GPALPP1: variants seen among roughly 807,000 people sequenced by gnomAD.
GPALPP1 encodes GPALPP motifs containing 1, also known as GPALPP motifs-containing protein 1.
GPALPP1 carries 30 observed loss-of-function variants against 38.9 expected under a neutral mutation model. The ratio of observed to expected loss-of-function variants is 0.77; its 90% CI spans 0.58 to 1.05. The LOEUF is 1.05. GPALPP1 is among the 50% of genes least tolerant of loss of function. GPALPP1 has a pLI of 0.00. For missense variants in GPALPP1, 384 were observed against 408.8 expected, an observed-to-expected ratio of 0.94 and a Z score of 0.52; for synonymous variants, 120 against 139.2, an observed-to-expected ratio of 0.86 and a Z score of 0.97.
chr13:45,010,819 A>G (rs1248156274), intron 4 of GPALPP1, among the ~76,000 whole-genome samples: 1 of 152,100 alleles, frequency 6.6e-6, no homozygotes, highest in Non-Finnish European at 1.5e-5. Flanking sequence ...CCGCATCTCT[A>G]CCAAAAATAC....
At chr13:44,994,567 G>A (rs1873108378) in intron 1 of GPALPP1, among the ~76,000 whole-genome samples, 1 of 152,158 alleles carries the variant, frequency 6.6e-6, no homozygotes, top group Non-Finnish European at 1.5e-5. Flanking sequence ...CATACATGTT[G>A]TTCCCTCAGT....
intron 7 of GPALPP1, 128 bp downstream of exon 7, chr13:45,020,556 C>G: frequency 1.8e-6 from 1 of 543,398 alleles, no homozygotes; most frequent in Non-Finnish European, 3.3e-6. Context: ...GGCAACATAG[C>G]AAGACCTTGT....
intron 1 of GPALPP1, among the ~76,000 whole-genome samples, chr13:44,998,859 T>C (rs965875351): frequency 6.6e-6 from 1 of 152,174 alleles, no homozygotes; most frequent in Non-Finnish European, 1.5e-5. Flanking sequence ...CAACCAACTC[T>C]AGATTGAAAG....
chr13:45,012,846 C>T (rs894251841), intron 4 of GPALPP1, among the ~76,000 whole-genome samples: 1 of 152,008 alleles, frequency 6.6e-6, no homozygotes, highest in Non-Finnish European at 1.5e-5. Context: ...CGGCATATAC[C>T]CCCAAATTAA....
intron 4 of GPALPP1, among the ~76,000 whole-genome samples, chr13:45,012,488 A>G (rs750950907): frequency 1.5e-4 from 23 of 152,328 alleles, no homozygotes; most frequent in Middle Eastern, 3.4e-3. Flanking sequence ...GCACTTTTAT[A>G]TAGGTTCAAA....
chr13:45,001,136 T>C (rs1182699911), intron 1 of GPALPP1, among the ~76,000 whole-genome samples: 1 of 152,146 alleles, frequency 6.6e-6, no homozygotes, highest in Non-Finnish European at 1.5e-5. Context: ...GTGGTTACCC[T>C]CATGCTGTTC....
At chr13:45,021,460 A>G (rs1324628064) in intron 7 of GPALPP1, among the ~76,000 whole-genome samples, 1 of 152,144 alleles carries the variant, frequency 6.6e-6, no homozygotes, top group East Asian at 1.9e-4. Context: ...TCTGACCACA[A>G]AGAATTGAAG....
chr13:45,032,180 G>T (rs79172575), downstream of GPALPP1: 2 of 152,126 alleles, frequency 1.3e-5, no homozygotes, highest in African/African-American at 4.8e-5. Context: ...AGAGATGGTG[G>T]CTACACCCCT....
chr13:44,991,344 G>A (rs1418084618), intron 1 of GPALPP1, among the ~76,000 whole-genome samples: 1 of 151,940 alleles, frequency 6.6e-6, no homozygotes, highest in East Asian at 1.9e-4. Flanking sequence ...CTACTTGGGA[G>A]GCTGAGGCAG....
chr13:45,021,551 G>A (rs1875430502), intron 7 of GPALPP1, among the ~76,000 whole-genome samples: 1 of 151,914 alleles, frequency 6.6e-6, no homozygotes, highest in East Asian at 1.9e-4. Context: ...TTGGAATGCT[G>A]AGGCGGACAG....
downstream of GPALPP1, chr13:45,033,745 T>G (rs1876310836): frequency 1.3e-5 from 2 of 152,204 alleles, no homozygotes; most frequent in Non-Finnish European, 2.9e-5. Flanking sequence ...AACAACAACT[T>G]TAACTCCAAC....
At chr13:44,995,502 A>T (rs1415894398) in intron 1 of GPALPP1, among the ~76,000 whole-genome samples, 3 of 152,064 alleles carry the variant, frequency 2.0e-5, no homozygotes, top group Non-Finnish European at 4.4e-5. Flanking sequence ...ATGAACTTCT[A>T]AAAAAAATCT....
chr13:45,010,529 A>G (rs1242392467), intron 4 of GPALPP1, among the ~76,000 whole-genome samples: 2 of 152,204 alleles, frequency 1.3e-5, no homozygotes, highest in Non-Finnish European at 2.9e-5. Flanking sequence ...ATTCAGAAGT[A>G]TTTGTCGAAT....
chr13:45,033,246 T>C (rs1311277714), downstream of GPALPP1: 1 of 152,172 alleles, frequency 6.6e-6, no homozygotes, highest in African/African-American at 2.4e-5. Context: ...TGATAGGTAT[T>C]ATTAGAAAAA....
chr13:44,998,640 A>T (rs1218211940), intron 1 of GPALPP1, among the ~76,000 whole-genome samples: 1 of 152,206 alleles, frequency 6.6e-6, no homozygotes, highest in Non-Finnish European at 1.5e-5. Context: ...TTCTTTGCCC[A>T]GCTAACTCAG....
chr13:45,035,503 A>G (rs571755717), exon 8 of GPALPP1: 6 of 152,340 alleles, frequency 3.9e-5, no homozygotes, highest in Admixed American at 3.9e-4. Flanking sequence ...ATAAATATTT[A>G]AGAATAGCTG....
In GPALPP1 at chr13:45,015,526, G is replaced by C. The variant is rs777138102; in HGVS notation, c.635G>C (p.Arg212Thr). Residue 212 changes from arginine (R) to threonine (T), a missense_variant, in exon 6 of 8, where the codon AGA becomes ACA. Arg to Thr is a moderately conservative substitution (Grantham distance 71). Coordinates refer to ENST00000379151, the MANE Select transcript of GPALPP1 (RefSeq NM_018559.5). ...CTTGGGCCAAGGACTTTTAAGAGAA[G>C]AGCTGATGACACATCTGGAGATCGA... ...FGLGPRTFKRRADDTSGDRSI... is the reference protein window; with the variant it reads ...FGLGPRTFKRTADDTSGDRSI... The C allele has an allele frequency of 6.2e-7, 1 of 1,606,490 alleles. No homozygotes were observed. Among genetic ancestry groups the C allele is most frequent in the African/African-American group, 1.3e-5 (1 of 74,378 alleles).
At chr13:44,994,755 G>A (rs1873121049) in intron 1 of GPALPP1, among the ~76,000 whole-genome samples, 1 of 152,048 alleles carries the variant, frequency 6.6e-6, no homozygotes, top group Admixed American at 6.6e-5. Context: ...TTATTTATTC[G>A]TGGTTTTTTG....
chr13:45,009,081 T>A (rs1351873150), intron 4 of GPALPP1: 1 of 657,916 alleles, frequency 1.5e-6, no homozygotes, highest in Non-Finnish European at 2.8e-6. Context: ...AACCTGAGAT[T>A]CTGTTAGGAA....
Sources: allele counts gnomAD v4.1 joint callset (sites outside exome capture counted in the v4.1 genomes callset), GRCh38; gene constraint gnomAD v4.1.1; transcripts MANE v1.5; gene names NCBI Gene and HGNC (gene_info 2026-07-23, HGNC 2026-07-21).